GRM5: variants seen among roughly 807,000 people sequenced by gnomAD.
GRM5 encodes glutamate metabotropic receptor 5.
A neutral mutation model predicts 83.1 loss-of-function variants in GRM5; 19 were observed. That is an observed-to-expected ratio of 0.23 (90% CI 0.16 to 0.34). GRM5 has a LOEUF of 0.34. GRM5 is among the 10% of genes least tolerant of loss of function. GRM5 has a pLI of 1.00. For synonymous variants in GRM5, 675 were observed against 633.6 expected, an observed-to-expected ratio of 1.07 and a Z score of -0.98; for missense variants, 1,160 against 1,588.3, an observed-to-expected ratio of 0.73 and a Z score of 4.58.
intron 2 of GRM5, among the ~76,000 whole-genome samples, chr11:88,919,238 C>CTATA (rs147135169): frequency 0.37 from 11,884 of 32,370 alleles, 4,008 homozygotes; most frequent in East Asian, 0.65. Context: ...GCAGGAGTAG[C>CTATA]TATATATATA....
chr11:88,719,640 T>G (rs1941486712), intron 3 of GRM5, among the ~76,000 whole-genome samples: 1 of 152,092 alleles, frequency 6.6e-6, no homozygotes, highest in Non-Finnish European at 1.5e-5. Context: ...ATTGCCACAC[T>G]GAGTTCCACA....
At chr11:88,712,532 G>A (rs181708337) in intron 3 of GRM5, among the ~76,000 whole-genome samples, 34 of 152,044 alleles carry the variant, frequency 2.2e-4, no homozygotes, top group Non-Finnish European at 3.8e-4. Flanking sequence ...GTATTACCAA[G>A]GTGATCATCT....
chr11:88,621,611 T>C (rs1938636299), intron 4 of GRM5, among the ~76,000 whole-genome samples: 1 of 152,214 alleles, frequency 6.6e-6, no homozygotes, highest in Non-Finnish European at 1.5e-5. Context: ...ACTATTAGTA[T>C]ATTTACATAA....
intron 3 of GRM5, among the ~76,000 whole-genome samples, chr11:88,785,728 A>C (rs1293644903): frequency 1.3e-5 from 2 of 152,116 alleles, no homozygotes; most frequent in African/African-American, 2.4e-5. Context: ...GTGAAGCCTC[A>C]AATTTTTATT....
intron 2 of GRM5, among the ~76,000 whole-genome samples, chr11:88,991,380 A>G (rs1939963321): frequency 1.3e-5 from 2 of 152,002 alleles, no homozygotes; most frequent in Non-Finnish European, 2.9e-5. Context: ...AACAAATGGA[A>G]TAACATTCCA....
intron 2 of GRM5, among the ~76,000 whole-genome samples, chr11:88,867,016 A>C (rs534495615): frequency 6.6e-6 from 1 of 151,788 alleles, no homozygotes; most frequent in South Asian, 2.1e-4. Context: ...AGGTGGTTGT[A>C]GGTTTGTGGT....
intron 5 of GRM5, among the ~76,000 whole-genome samples, chr11:88,601,019 T>C (rs1937973499): frequency 6.6e-6 from 1 of 152,090 alleles, no homozygotes; most frequent in Non-Finnish European, 1.5e-5. Context: ...CACCTAATAA[T>C]GCAACACTTT....
intron 7 of GRM5, among the ~76,000 whole-genome samples, chr11:88,590,255 C>T (rs1409097735): frequency 6.6e-6 from 1 of 152,144 alleles, no homozygotes; most frequent in Non-Finnish European, 1.5e-5. Context: ...ATATTTTTCT[C>T]ACTGGCTAAA....
chr11:88,811,113 A>G (rs546180239), intron 3 of GRM5, among the ~76,000 whole-genome samples: 1 of 151,590 alleles, frequency 6.6e-6, no homozygotes, highest in African/African-American at 2.4e-5. Flanking sequence ...TTTTTTTTCC[A>G]TTCTCAAGAT....
rs1941203142 is a variant in GRM5 at position 88,507,227 on chromosome 11, T to G, written c.*1365A>C. The G allele has an allele frequency of 6.6e-6, 1 of 152,246 alleles. No homozygotes were observed. Among genetic ancestry groups the G allele is most frequent in the African/African-American group, 2.4e-5 (1 of 41,466 alleles). 9.4% of individuals were successfully genotyped at this position (152,246 alleles called of 1,614,324 possible). ...CACAAAATCATATTAATCATTATTT[T>G]AAAAAAGAAAATAAGAATTGCTTTG... is the stretch of plus-strand genomic sequence containing the variant. On this transcript the variant is annotated 3_prime_UTR_variant, in exon 10 of 10. Coordinates refer to ENST00000305447, the MANE Select transcript of GRM5 (RefSeq NM_001143831.3).
intron 3 of GRM5, among the ~76,000 whole-genome samples, chr11:88,729,803 G>GTGT (rs1341536733): frequency 6.6e-6 from 1 of 152,184 alleles, no homozygotes; most frequent in African/African-American, 2.4e-5. Flanking sequence ...TTAATAAATG[G>GTGT]TGTTGGGAAA....
chr11:88,861,181 G>A (rs1217173464), intron 2 of GRM5, among the ~76,000 whole-genome samples: 1 of 152,042 alleles, frequency 6.6e-6, no homozygotes, highest in African/African-American at 2.4e-5. Flanking sequence ...ATACATTTCA[G>A]GGTAGAATTC....
intron 3 of GRM5, among the ~76,000 whole-genome samples, chr11:88,757,504 G>A (rs942052601): frequency 3.3e-5 from 5 of 151,936 alleles, no homozygotes; most frequent in African/African-American, 4.8e-5. Flanking sequence ...TATGGATGAC[G>A]GTGGAACCAC....
At chr11:88,943,980 A>T (rs1938194557) in intron 2 of GRM5, among the ~76,000 whole-genome samples, 1 of 152,032 alleles carries the variant, frequency 6.6e-6, no homozygotes, top group Non-Finnish European at 1.5e-5. Context: ...GTAAATAGTA[A>T]ACATGAATAA....
At chr11:89,037,040 A>T (rs1941405356) in intron 2 of GRM5, among the ~76,000 whole-genome samples, 1 of 152,078 alleles carries the variant, frequency 6.6e-6, no homozygotes, top group South Asian at 2.1e-4. Flanking sequence ...CACTTTATAT[A>T]TTTAAACTTG....
Position 88,505,863 on chromosome 11 carries a change from T to C in GRM5, c.*2729A>G, listed in dbSNP as rs1941171368. Reference sequence around the variant, plus strand: ...GAAATTCAATGAGAATGTACCCAAATGAATTGTGAAGTTCATATCCTATAG... The same window carrying C: ...GAAATTCAATGAGAATGTACCCAAACGAATTGTGAAGTTCATATCCTATAG... On this transcript the variant is annotated 3_prime_UTR_variant, in exon 10 of 10. Transcript: ENST00000305447. 1 of 152,200 alleles carries C rather than the reference T, an allele frequency of 6.6e-6. No homozygotes were observed. The highest frequency in any genetic ancestry group is 6.5e-5 in the Admixed American group (1 of 15,280). 9.4% of individuals were successfully genotyped at this position (152,200 alleles called of 1,614,324 possible). A position where few individuals can be genotyped will look rare whatever the true frequency, so the allele number is the denominator to read the frequency against.
chr11:88,751,406 G>C (rs1228941455), intron 3 of GRM5, among the ~76,000 whole-genome samples: 1 of 151,978 alleles, frequency 6.6e-6, no homozygotes, highest in Non-Finnish European at 1.5e-5. Context: ...CTGAACCGGG[G>C]AGAAACTGAA....
chr11:88,716,735 C>T (rs1941408922), intron 3 of GRM5, among the ~76,000 whole-genome samples: 1 of 151,894 alleles, frequency 6.6e-6, no homozygotes, highest in Admixed American at 6.6e-5. Context: ...AGTAGGGAAA[C>T]TGAGACTCAG....
chr11:88,989,489 C>T (rs1397816351), intron 2 of GRM5, among the ~76,000 whole-genome samples: 1 of 123,984 alleles, frequency 8.1e-6, no homozygotes, highest in African/African-American at 2.9e-5. Context: ...AGGAATTGAA[C>T]TCAGCTCTGC....
Sources: allele counts gnomAD v4.1 joint callset (sites outside exome capture counted in the v4.1 genomes callset), GRCh38; gene constraint gnomAD v4.1.1; transcripts MANE v1.5; gene names NCBI Gene and HGNC (gene_info 2026-07-23, HGNC 2026-07-21).